The following JAKMIP1 variants were observed in gnomAD, a reference collection of about 807,000 sequenced individuals.
JAKMIP1 encodes janus kinase and microtubule-interacting protein 1.
Under a neutral mutation model 113.0 loss-of-function variants are expected in JAKMIP1, and 33 were observed. The observed-to-expected ratio is 0.29, with a 90% CI of 0.22 to 0.39. JAKMIP1 has a LOEUF of 0.39. Among genes scored for constraint, JAKMIP1 ranks in the 10% least tolerant of loss-of-function variants. The pLI is 1.00. For synonymous variants in JAKMIP1, 480 were observed against 459.9 expected, an observed-to-expected ratio of 1.04 and a Z score of -0.56; for missense variants, 813 against 1,080.5, an observed-to-expected ratio of 0.75 and a Z score of 3.47.
At chr4:6,035,323 C>A (rs1342515076) in intron 19 of JAKMIP1, among the ~76,000 whole-genome samples, 1 of 152,108 alleles carries the variant, frequency 6.6e-6, no homozygotes, top group Non-Finnish European at 1.5e-5. Context: ...GATAAAGGAT[C>A]TGCAGCGCAG....
rs1007366563 is a variant in JAKMIP1 at position 6,140,850 on chromosome 4, G to A, written c.-147-27853C>T. Among the ~76,000 whole-genome samples, 3 of 152,206 alleles carry A rather than the reference G, an allele frequency of 2.0e-5. No homozygotes were observed. Among genetic ancestry groups the A allele is most frequent in the Non-Finnish European group, 2.9e-5 (2 of 68,040 alleles). On this transcript the variant is annotated intron_variant, in intron 1 of 20. Coordinates refer to ENST00000409021, the MANE Select transcript of JAKMIP1 (RefSeq NM_001099433.2). The surrounding 1 kb of genome is among the most constrained non-coding windows in gnomAD (Gnocchi z 9.4). ...GACCTCAGGTCAGCCACAGGCACTGGTTGGAGCTCATCTGTCCTCAGCACA... is the reference window on the plus strand; with the variant it reads ...GACCTCAGGTCAGCCACAGGCACTGATTGGAGCTCATCTGTCCTCAGCACA...
intron 1 of JAKMIP1, among the ~76,000 whole-genome samples, chr4:6,160,945 TCTCCC>T: frequency 8.6e-6 from 1 of 116,396 alleles, no homozygotes; most frequent in African/African-American, 3.8e-5. Context: ...TCTCCACTTA[TCTCCC>T]CTGACCTCCA....
At chr4:6,173,259 G>A (rs566420056) in intron 1 of JAKMIP1, among the ~76,000 whole-genome samples, 1 of 152,176 alleles carries the variant, frequency 6.6e-6, no homozygotes, top group Admixed American at 6.5e-5. Context: ...CTATTTCAGT[G>A]ATCTTACAAG....
intron 1 of JAKMIP1, among the ~76,000 whole-genome samples, chr4:6,124,774 G>T (rs1197672365): frequency 6.6e-6 from 1 of 152,192 alleles, no homozygotes; most frequent in East Asian, 1.9e-4. Context: ...GGCCACCTGG[G>T]ATCACCTTCT....
At chr4:6,063,580 G>C (rs963954135) in intron 9 of JAKMIP1, among the ~76,000 whole-genome samples, 11 of 152,198 alleles carry the variant, frequency 7.2e-5, no homozygotes, top group Non-Finnish European at 1.2e-4. Context: ...GTGTGAGAAA[G>C]GATGTCCAGG....
chr4:6,032,570 TGTGGGTCA>T (rs1712858718), intron 19 of JAKMIP1, among the ~76,000 whole-genome samples: 1 of 152,250 alleles, frequency 6.6e-6, no homozygotes, highest in Admixed American at 6.5e-5. Context: ...GAGCCCCTTC[TGTGGGTCA>T]GCCCCAGTCT....
intron 1 of JAKMIP1, among the ~76,000 whole-genome samples, chr4:6,189,528 G>T (rs1214377848): frequency 6.6e-6 from 1 of 152,204 alleles, no homozygotes; most frequent in African/African-American, 2.4e-5. Context: ...GACATTATGG[G>T]AATCTGAGAC....
In JAKMIP1 at chr4:6,154,618, C is replaced by T. The variant is rs1397357868; in HGVS notation, c.-147-41621G>A. Among the ~76,000 whole-genome samples, 4 of 152,076 alleles carry T rather than the reference C, an allele frequency of 2.6e-5. No homozygotes were observed. The highest frequency in any genetic ancestry group is 3.9e-4 in the East Asian group (2 of 5,186). On this transcript the variant is annotated intron_variant, in intron 1 of 20. Coordinates refer to ENST00000409021, the MANE Select transcript of JAKMIP1 (RefSeq NM_001099433.2). The surrounding 1 kb of genome is among the most constrained non-coding windows in gnomAD (Gnocchi z 4.2). ...TAGCAAGGCTTCCAAGAGCCCAACA[C>T]GCACAGCCCACTGCACGCAGGGACT... is the stretch of plus-strand genomic sequence containing the variant.
At chr4:6,190,179 G>A (rs1727093922) in intron 1 of JAKMIP1, among the ~76,000 whole-genome samples, 1 of 146,470 alleles carries the variant, frequency 6.8e-6, no homozygotes, top group Admixed American at 6.8e-5. Flanking sequence ...GGAAATGATG[G>A]GAGCTGAATT....
chr4:6,050,601 A>G lies in JAKMIP1; in HGVS notation c.1885T>C (p.Phe629Leu). The G allele has an allele frequency of 6.4e-7, 1 of 1,573,512 alleles. No individual in the cohort carries two copies. Among genetic ancestry groups the G allele is most frequent in the Non-Finnish European group, 8.6e-7 (1 of 1,159,052 alleles). Residue 629 changes from phenylalanine to leucine, a missense_variant, in exon 14 of 21, where the codon TTC becomes CTC. Phe to Leu is a conservative substitution (Grantham distance 22). This residue lies in a region of JAKMIP1 where 273 missense variants were observed against 426.6 expected (regional missense o/e 0.64). Coordinates refer to ENST00000409021, the MANE Select transcript of JAKMIP1 (RefSeq NM_001099433.2). The surrounding 1 kb of genome is among the most constrained non-coding windows in gnomAD (Gnocchi z 7.4). ...PENHSSALQLFCHQEGVKDVN... is the reference protein window; with the variant it reads ...PENHSSALQLLCHQEGVKDVN... ...ACCTTAACTCCTTCCTGGTGACAGA[A>G]CAGCTGGAGAGCGCTGCTGTGGTTC... is the stretch of plus-strand genomic sequence containing the variant.
rs775017058 is a variant in JAKMIP1 at position 6,184,448 on chromosome 4, G to A, written c.-148+15805C>T. Reference sequence around the variant, plus strand: ...TACAGCCCACACTCAGCATCACAAGGAGGGAGAGAGGGCAAGGCAAGTGCA... The same window carrying A: ...TACAGCCCACACTCAGCATCACAAGAAGGGAGAGAGGGCAAGGCAAGTGCA... On this transcript the variant is annotated intron_variant, in intron 1 of 20. Transcript: ENST00000409021. The surrounding 1 kb of genome is among the most constrained non-coding windows in gnomAD (Gnocchi z 4.5). Among the ~76,000 whole-genome samples the A allele has an allele frequency of 6.6e-6, 1 of 152,142 alleles. No homozygotes were observed. The highest frequency in any genetic ancestry group is 1.9e-4 in the East Asian group (1 of 5,174).
At chr4:6,045,877 A>G (rs1240953015) in intron 16 of JAKMIP1, among the ~76,000 whole-genome samples, 2 of 152,228 alleles carry the variant, frequency 1.3e-5, no homozygotes, top group Non-Finnish European at 2.9e-5. Context: ...CTCAAAAAAA[A>G]AAATTAATGC....
rs573096848 is a variant in JAKMIP1 at position 6,108,629 on chromosome 4, C to T, written c.130-2662G>A. On this transcript the variant is annotated intron_variant, in intron 2 of 20. Coordinates refer to ENST00000409021, the MANE Select transcript of JAKMIP1 (RefSeq NM_001099433.2). This position sits in a 1 kb window ranked among gnomAD's most constrained non-coding sequence, Gnocchi z 5.6. ...CCCCACTTCCCCCTTGCCCAAGCCA[C>T]CTGCAGCAGCCCTCCCCGCCACACC... is the stretch of plus-strand genomic sequence containing the variant. 1.2e-4 allele frequency among the ~76,000 whole-genome samples: 18 copies of T among 152,176 alleles called. No homozygotes were observed. The highest frequency in any genetic ancestry group is 2.5e-4 in the Non-Finnish European group (17 of 68,032).
At chr4:6,087,516 C>T (rs951687651) in intron 3 of JAKMIP1, among the ~76,000 whole-genome samples, 19 of 152,004 alleles carry the variant, frequency 1.2e-4, no homozygotes, top group African/African-American at 4.1e-4. Context: ...AAGAAGACCA[C>T]TAAAAACTGA....
chr4:6,036,702 G>C (rs1713492093), intron 18 of JAKMIP1, among the ~76,000 whole-genome samples: 1 of 152,222 alleles, frequency 6.6e-6, no homozygotes, highest in African/African-American at 2.4e-5. Flanking sequence ...CATCATTACA[G>C]GATGTTACTC....
intron 1 of JAKMIP1, among the ~76,000 whole-genome samples, chr4:6,147,252 G>A (rs955836167): frequency 3.3e-5 from 5 of 152,120 alleles, no homozygotes; most frequent in African/African-American, 7.2e-5. Context: ...GTGAGCCACC[G>A]CACCAAGCCT....
chr4:6,076,317 T>C lies in JAKMIP1; in HGVS notation c.1302+2622A>G, dbSNP rs903253967. Among the ~76,000 whole-genome samples, 6 of 152,194 alleles carry C rather than the reference T, an allele frequency of 3.9e-5. No homozygotes were observed. The highest frequency in any genetic ancestry group is 8.8e-5 in the Non-Finnish European group (6 of 68,036). ...TTGCCCCGTGTTCGACTTGGCTTGG[T>C]GGGAAAAGCTTGGGCCTTGTAGTCT... On this transcript the variant is annotated intron_variant, in intron 8 of 20. Transcript: ENST00000409021. The surrounding 1 kb of genome is among the most constrained non-coding windows in gnomAD (Gnocchi z 4.8).
intron 1 of JAKMIP1, among the ~76,000 whole-genome samples, chr4:6,189,164 G>T (rs1578510240): frequency 6.6e-6 from 1 of 152,232 alleles, no homozygotes; most frequent in Admixed American, 6.5e-5. Flanking sequence ...AATAAGAAAT[G>T]TGACCTTCCG....
chr4:6,052,617 C>T (rs1243122658), intron 13 of JAKMIP1, among the ~76,000 whole-genome samples: 1 of 147,502 alleles, frequency 6.8e-6, no homozygotes, highest in African/African-American at 2.5e-5. Context: ...CGCCACTGTC[C>T]TCCAGCCTGG....
Sources: allele counts gnomAD v4.1 joint callset (sites outside exome capture counted in the v4.1 genomes callset), GRCh38; gene constraint gnomAD v4.1.1; regional missense constraint gnomAD v4.1.1; non-coding constraint Gnocchi (gnomAD v3.1); transcripts MANE v1.5; gene names NCBI Gene and HGNC (gene_info 2026-07-23, HGNC 2026-07-21).